The following ANXA4 variants were observed in gnomAD, a reference collection of about 807,000 sequenced individuals.
The protein encoded by ANXA4 is annexin A4.
Under a neutral mutation model 49.8 loss-of-function variants are expected in ANXA4, and 39 were observed. That is an observed-to-expected ratio of 0.78 (90% CI 0.61 to 1.02). The LOEUF (loss-of-function observed/expected upper bound fraction) is 1.02. Ranked by LOEUF, ANXA4 falls within the 50% of genes least tolerant of loss-of-function variation. The pLI, the probability that ANXA4 is intolerant of heterozygous loss-of-function variation, is 0.00. For missense variants in ANXA4, 360 were observed against 410.1 expected, an observed-to-expected ratio of 0.88 and a Z score of 1.05; for synonymous variants, 134 against 152.5, an observed-to-expected ratio of 0.88 and a Z score of 0.89.
At chr2:69,824,984 G>A (rs753462988) in intron 12 of ANXA4, among the ~76,000 whole-genome samples, 2 of 148,416 alleles carry the variant, frequency 1.3e-5, no homozygotes, top group Non-Finnish European at 3.0e-5. Context: ...GAAGAATGGC[G>A]TGAACCCGGG....
At chr2:69,747,176 T>C (rs1433165470) in intron 1 of ANXA4, among the ~76,000 whole-genome samples, 1 of 152,144 alleles carries the variant, frequency 6.6e-6, no homozygotes, top group Non-Finnish European at 1.5e-5. Flanking sequence ...GCCCAGTCAC[T>C]GTGAATTCAT....
At chr2:69,779,044 G>T (rs1559181401) in intron 1 of ANXA4, among the ~76,000 whole-genome samples, 1 of 145,362 alleles carries the variant, frequency 6.9e-6, no homozygotes. Flanking sequence ...GGAGGCAGAG[G>T]TTGCAGTGAG....
At chr2:69,746,130 G>A (rs909567945) in intron 1 of ANXA4, among the ~76,000 whole-genome samples, 5 of 152,124 alleles carry the variant, frequency 3.3e-5, no homozygotes, top group East Asian at 1.9e-4. Context: ...TCCTGCCTCA[G>A]CCTCCCAAGT....
chr2:69,649,175 C>T (rs560839614), intron 1 of ANXA4, among the ~76,000 whole-genome samples: 179 of 152,058 alleles, frequency 1.2e-3, no homozygotes, highest in Middle Eastern at 6.8e-3. Context: ...TGTGAGCCAC[C>T]GCGCCCAGCC....
intron 8 of ANXA4, among the ~76,000 whole-genome samples, chr2:69,814,519 A>G (rs1673872598): frequency 6.6e-6 from 1 of 150,670 alleles, no homozygotes; most frequent in South Asian, 2.1e-4. Flanking sequence ...TAAGTTTTAA[A>G]TATTTTTTTG....
intron 2 of ANXA4, among the ~76,000 whole-genome samples, chr2:69,691,224 A>G (rs112168976): frequency 9.9e-4 from 151 of 151,850 alleles, no homozygotes; most frequent in Non-Finnish European, 1.8e-3. Context: ...CCCAGGTTCA[A>G]GTGATTCTCC....
At chr2:69,740,595 C>T (rs540100215), upstream of ANXA4, among the ~76,000 whole-genome samples, 2 of 151,602 alleles carry the variant, frequency 1.3e-5, no homozygotes, top group African/African-American at 4.8e-5. Flanking sequence ...GCTGGGACTA[C>T]AGGCGTGGCT....
chr2:69,812,795 T>G (rs573251317), intron 8 of ANXA4, 86 bp downstream of exon 8: 2 of 1,137,962 alleles, frequency 1.8e-6, no homozygotes. Flanking sequence ...CAACTTATAT[T>G]ACAGTGTATA....
chr2:69,658,375 C>T (rs918929032), intron 2 of ANXA4, among the ~76,000 whole-genome samples: 63 of 135,246 alleles, frequency 4.7e-4, no homozygotes, highest in East Asian at 3.4e-3. Context: ...ACTCCAGCCT[C>T]GGTGACAGAG....
intron 2 of ANXA4, among the ~76,000 whole-genome samples, chr2:69,664,745 A>G (rs999410673): frequency 6.6e-6 from 1 of 152,138 alleles, no homozygotes; most frequent in African/African-American, 2.4e-5. Flanking sequence ...GATGGCATCT[A>G]TGTCCTTTCC....
chr2:69,701,387 C>T (rs1297726017), intron 2 of ANXA4, among the ~76,000 whole-genome samples: 1 of 152,066 alleles, frequency 6.6e-6, no homozygotes, highest in African/African-American at 2.4e-5. Context: ...GTGTCCCTCC[C>T]GCTAGCAAAC....
intron 1 of ANXA4, among the ~76,000 whole-genome samples, chr2:69,645,279 C>A (rs1421634168): frequency 6.6e-6 from 1 of 152,160 alleles, no homozygotes; most frequent in Non-Finnish European, 1.5e-5. Context: ...TCTTTTCTTC[C>A]GGAGAGAGTC....
At chr2:69,743,789 C>T (rs927628130) in intron 1 of ANXA4, among the ~76,000 whole-genome samples, 1 of 152,132 alleles carries the variant, frequency 6.6e-6, no homozygotes, top group Non-Finnish European at 1.5e-5. Flanking sequence ...TGTGAATTTC[C>T]CTCCTAGATG....
At chr2:69,759,679 G>C (rs113992869) in intron 1 of ANXA4, among the ~76,000 whole-genome samples, 4,068 of 152,128 alleles carry the variant, frequency 0.027, 185 homozygotes, top group African/African-American at 0.092. Flanking sequence ...AATAAAACCA[G>C]CACTGACTGT....
chr2:69,680,212 G>A (rs1217013100), intron 2 of ANXA4, among the ~76,000 whole-genome samples: 1 of 152,048 alleles, frequency 6.6e-6, no homozygotes, highest in African/African-American at 2.4e-5. Flanking sequence ...CCTTATAGAA[G>A]TCTTTCACTT....
chr2:69,760,300 G>A (rs187089957), intron 1 of ANXA4, among the ~76,000 whole-genome samples: 9 of 152,260 alleles, frequency 5.9e-5, no homozygotes, highest in Non-Finnish European at 1.2e-4. Flanking sequence ...TTGGTAAGTC[G>A]TTTTTGAATA....
Position 69,788,064 on chromosome 2 carries a change from G to A in ANXA4, c.20G>A (p.Gly7Glu). MAMATK[G>E]GTVKAASGFN... ...CTCTTGTGTGCTCAGGCAACCAAAG[G>A]AGGTACTGTCAAAGCTGCTTCAGGA... Residue 7 changes from glycine to glutamate, a missense_variant, in exon 3 of 13, where the codon GGA becomes GAA. Transcript: ENST00000394295. 6.2e-7 allele frequency: 1 copy of A among 1,613,892 alleles called. No homozygotes were observed. The highest frequency in any genetic ancestry group is 1.1e-5 in the South Asian group (1 of 91,058).
At chr2:69,748,855 T>A (rs1670730139) in intron 1 of ANXA4, among the ~76,000 whole-genome samples, 1 of 151,802 alleles carries the variant, frequency 6.6e-6, no homozygotes, top group Non-Finnish European at 1.5e-5. Context: ...GGACTATAGG[T>A]GCATGCCACC....
chr2:69,814,629 A>G (rs1208161412), intron 8 of ANXA4, among the ~76,000 whole-genome samples: 1 of 152,106 alleles, frequency 6.6e-6, no homozygotes, highest in African/African-American at 2.4e-5. Context: ...GATTACAGGC[A>G]TGAGCCACCG....
Sources: allele counts gnomAD v4.1 joint callset (sites outside exome capture counted in the v4.1 genomes callset), GRCh38; gene constraint gnomAD v4.1.1; transcripts MANE v1.5; gene names NCBI Gene and HGNC (gene_info 2026-07-23, HGNC 2026-07-21).